MAGI2: variants seen among roughly 807,000 people sequenced by gnomAD.
MAGI2 encodes membrane associated guanylate kinase, WW and PDZ domain containing 2.
In MAGI2, 35 loss-of-function variants were observed where a neutral mutation model predicts 133.3. That is an observed-to-expected ratio of 0.26 (90% CI 0.20 to 0.35). The LOEUF is 0.35. MAGI2 is among the 10% of genes least tolerant of loss of function. The pLI is 1.00. For synonymous variants in MAGI2, 729 were observed against 710.6 expected, an observed-to-expected ratio of 1.03 and a Z score of -0.41; for missense variants, 1,636 against 1,863.4, an observed-to-expected ratio of 0.88 and a Z score of 2.25.
chr7:78,722,865 G>A (rs1820398527), intron 2 of MAGI2, among the ~76,000 whole-genome samples: 1 of 152,016 alleles, frequency 6.6e-6, no homozygotes, highest in African/African-American at 2.4e-5. Context: ...ACCAGGAATA[G>A]TCTAAAATCA....
chr7:79,185,516 ATTTTTTTT>A (rs71095383), intron 1 of MAGI2, among the ~76,000 whole-genome samples: 2 of 126,612 alleles, frequency 1.6e-5, no homozygotes, highest in African/African-American at 2.9e-5. Flanking sequence ...CAATTTGGTC[ATTTTTTTT>A]TTTTTTTTTT....
intron 9 of MAGI2, among the ~76,000 whole-genome samples, chr7:78,274,285 T>C (rs1794851274): frequency 6.6e-6 from 1 of 152,074 alleles, no homozygotes; most frequent in Admixed American, 6.6e-5. Flanking sequence ...AACAGCAAAG[T>C]TTGTTGCCTG....
At chr7:78,307,218 C>T (rs1374541221) in intron 9 of MAGI2, among the ~76,000 whole-genome samples, 2 of 152,114 alleles carry the variant, frequency 1.3e-5, no homozygotes, top group African/African-American at 2.4e-5. Context: ...TTTATTTACC[C>T]TTGTAAAAGT....
intron 2 of MAGI2, among the ~76,000 whole-genome samples, chr7:78,765,022 G>A (rs1047161637): frequency 6.6e-6 from 1 of 152,212 alleles, no homozygotes; most frequent in Non-Finnish European, 1.5e-5. Flanking sequence ...GGTACCTTAG[G>A]AGGAACGGAG....
intron 1 of MAGI2, among the ~76,000 whole-genome samples, chr7:79,291,512 A>G (rs1345581663): frequency 6.6e-6 from 1 of 152,164 alleles, no homozygotes; most frequent in African/African-American, 2.4e-5. Flanking sequence ...AAACAGCTCT[A>G]CAATTTTACA....
rs1350422270 is a variant in MAGI2, at chr7:78,387,397, G to A, written c.1046-18184C>T. 3.3e-5 allele frequency among the ~76,000 whole-genome samples: 5 copies of A among 152,276 alleles called. No individual in the cohort carries two copies. In the East Asian group the frequency reaches 9.6e-4, roughly 29 times the overall value. ...CACAGACCCACTCACATCACCATAG[G>A]ATACCTATTCCTTTTATTGTTTGGC... is the stretch of plus-strand genomic sequence containing the variant. On this transcript the variant is annotated intron_variant, in intron 6 of 21. Coordinates refer to ENST00000354212, the MANE Select transcript of MAGI2 (RefSeq NM_012301.4).
chr7:78,334,366 G>A (rs140365630), intron 9 of MAGI2, among the ~76,000 whole-genome samples: 1 of 151,964 alleles, frequency 6.6e-6, no homozygotes, highest in African/African-American at 2.4e-5. Flanking sequence ...GGGTAACTAA[G>A]ATTTCAGATA....
intron 1 of MAGI2, among the ~76,000 whole-genome samples, chr7:79,442,276 A>G (rs1427870733): frequency 1.3e-5 from 2 of 152,220 alleles, no homozygotes; most frequent in Admixed American, 6.5e-5. Flanking sequence ...GGTTAAAAAT[A>G]TCACTGATAA....
intron 4 of MAGI2, among the ~76,000 whole-genome samples, chr7:78,510,657 A>G (rs1795485774): frequency 6.6e-6 from 1 of 152,172 alleles, no homozygotes; most frequent in Admixed American, 6.5e-5. Context: ...CTCAATAGAG[A>G]CATGTAATGG....
At chr7:78,520,715 T>C (rs1796422738) in intron 4 of MAGI2, among the ~76,000 whole-genome samples, 1 of 152,140 alleles carries the variant, frequency 6.6e-6, no homozygotes, top group South Asian at 2.1e-4. Flanking sequence ...TATTAAGTAA[T>C]AAGAAAAATG....
intron 3 of MAGI2, among the ~76,000 whole-genome samples, chr7:78,584,421 GAAAAAAAAAAAAAAA>G (rs57844382): frequency 0.16 from 13,674 of 84,686 alleles, 1,620 homozygotes; most frequent in East Asian, 0.59. Flanking sequence ...CTCCGTCTCA[GAAAAAAAAAAAAAAA>G]AAAAAAAAAA....
chr7:78,264,533 C>T (rs1401570456), intron 9 of MAGI2, among the ~76,000 whole-genome samples: 1 of 152,096 alleles, frequency 6.6e-6, no homozygotes, highest in African/African-American at 2.4e-5. Context: ...TCGGGGAATC[C>T]ACTGTATTTG....
intron 2 of MAGI2, among the ~76,000 whole-genome samples, chr7:78,909,114 C>T (rs372813213): frequency 8.5e-6 from 1 of 117,752 alleles, no homozygotes; most frequent in African/African-American, 3.0e-5. Context: ...AACAAATGTA[C>T]AAGAAAAAAA....
chr7:78,836,493 A>G (rs572104), intron 2 of MAGI2, among the ~76,000 whole-genome samples: 26,840 of 152,104 alleles, frequency 0.18, 2,520 homozygotes, highest in Non-Finnish European at 0.2. Flanking sequence ...GTCAATGCTT[A>G]TTGATAGAGA....
chr7:79,351,813 T>C (rs1303922614), intron 1 of MAGI2: 1 of 152,212 alleles, frequency 6.6e-6, no homozygotes, highest in Non-Finnish European at 1.5e-5. Flanking sequence ...AAATCTTTCT[T>C]CCATTACTTC....
Position 78,154,384 on chromosome 7 carries a change from C to T in MAGI2, c.2845+5641G>A, listed in dbSNP as rs77012902. ...GCACCAGTCCTGAGCTGGAGGATTG[C>T]GAGGAGCCAGCAGCGTGCTGACCAG... On this transcript the variant is annotated intron_variant, in intron 16 of 21. Coordinates refer to ENST00000354212, the MANE Select transcript of MAGI2 (RefSeq NM_012301.4). 6.8e-4 allele frequency among the ~76,000 whole-genome samples: 103 copies of T among 152,294 alleles called. 1 individual carries two copies. The highest frequency in any genetic ancestry group is 2.2e-3 in the African/African-American group (92 of 41,556).
At chr7:79,001,495 T>C (rs1257215118) in intron 2 of MAGI2, among the ~76,000 whole-genome samples, 1 of 152,198 alleles carries the variant, frequency 6.6e-6, no homozygotes, top group Non-Finnish European at 1.5e-5. Flanking sequence ...TTCTTATACT[T>C]GCTTCAAAAA....
intron 9 of MAGI2, among the ~76,000 whole-genome samples, chr7:78,328,710 A>G (rs926215486): frequency 6.6e-6 from 1 of 152,164 alleles, no homozygotes; most frequent in Non-Finnish European, 1.5e-5. Context: ...TATGAAATTT[A>G]TACCTGTGGC....
intron 21 of MAGI2, among the ~76,000 whole-genome samples, chr7:78,023,778 C>T (rs1160623335): frequency 6.6e-6 from 1 of 152,176 alleles, no homozygotes; most frequent in Non-Finnish European, 1.5e-5. Context: ...AGTTGGCCCT[C>T]CACATCTGTG....
Sources: gnomAD v4.1 joint callset for allele counts (sites outside exome capture counted in the v4.1 genomes callset) on GRCh38, gnomAD v4.1.1 for gene constraint, MANE v1.5 for transcripts, NCBI Gene and HGNC (gene_info 2026-07-23, HGNC 2026-07-21) for gene names.